Variants in ST7 observed in about 807,000 individuals in gnomAD.
ST7 encodes suppressor of tumorigenicity 7 protein.
ST7 carries 28 observed loss-of-function variants against 78.7 expected under a neutral mutation model. That is an observed-to-expected ratio of 0.36 (90% CI 0.26 to 0.49). The LOEUF (loss-of-function observed/expected upper bound fraction) is 0.49, where lower values mean the gene tolerates loss of function less well. Among genes scored for constraint, ST7 ranks in the 20% least tolerant of loss-of-function variants. ST7 has a pLI of 0.99. For synonymous variants in ST7, 247 were observed against 249.6 expected, an observed-to-expected ratio of 0.99 and a Z score of 0.10; for missense variants, 418 against 696.0, an observed-to-expected ratio of 0.60 and a Z score of 4.49.
chr7:117,073,867 T>C (rs1321518122), intron 1 of ST7: 2 of 152,224 alleles, frequency 1.3e-5, no homozygotes, highest in Non-Finnish European at 2.9e-5. Flanking sequence ...TTTCTTTTCA[T>C]CTCACGTGGA....
chr7:117,032,266 A>G (rs1259410577), intron 1 of ST7, among the ~76,000 whole-genome samples: 8 of 152,150 alleles, frequency 5.3e-5, no homozygotes, highest in Non-Finnish European at 8.8e-5. Context: ...TGCTACTTTT[A>G]TGGCCCTTAG....
At chr7:117,093,043 C>T (rs541497656) in intron 1 of ST7, among the ~76,000 whole-genome samples, 4 of 152,240 alleles carry the variant, frequency 2.6e-5, no homozygotes, top group African/African-American at 9.6e-5. Context: ...TTGATTGTTC[C>T]CACGGTATCT....
intron 13 of ST7, among the ~76,000 whole-genome samples, chr7:117,210,818 G>A (rs1792224322): frequency 1.3e-5 from 2 of 152,182 alleles, no homozygotes; most frequent in Admixed American, 1.3e-4. Flanking sequence ...CAAGTGCATT[G>A]ACATTCTGCT....
chr7:116,956,812 G>T, intron 1 of ST7: 1 of 365,508 alleles, frequency 2.7e-6, no homozygotes. Flanking sequence ...GAATGAGTTT[G>T]TAAAACCCAG....
chr7:117,020,607 C>A (rs1263007858), intron 1 of ST7: 1 of 1,550,644 alleles, frequency 6.4e-7, no homozygotes, highest in East Asian at 2.4e-5. Flanking sequence ...TGGAGCCAGC[C>A]ATGTTTGGCA....
intron 14 of ST7, 116 bp from the exon 15 acceptor site, chr7:117,221,806 AT>A (rs1392518508): frequency 5.0e-6 from 6 of 1,209,776 alleles, no homozygotes; most frequent in Admixed American, 5.7e-5. Flanking sequence ...CTATTTTTTC[AT>A]TTCCCATAGG....
intron 8 of ST7, among the ~76,000 whole-genome samples, chr7:117,137,671 A>G (rs1224445939): frequency 6.6e-6 from 1 of 152,176 alleles, no homozygotes; most frequent in Non-Finnish European, 1.5e-5. Flanking sequence ...TTATACATGT[A>G]CTTAATCTAT....
chr7:117,139,624 T>C (rs1434643046), intron 9 of ST7, among the ~76,000 whole-genome samples: 1 of 152,142 alleles, frequency 6.6e-6, no homozygotes, highest in Admixed American at 6.6e-5. Context: ...GGCCACTCCA[T>C]TAGGCAACAG....
chr7:117,144,633 C>CAAAAA (rs535930435), intron 9 of ST7, among the ~76,000 whole-genome samples: 1 of 103,924 alleles, frequency 9.6e-6, no homozygotes, highest in African/African-American at 3.3e-5. Flanking sequence ...ACCCTGTCTC[C>CAAAAA]AAAAAAAAAA....
At chr7:116,977,285 T>G (rs1005779105) in intron 1 of ST7, among the ~76,000 whole-genome samples, 1 of 152,240 alleles carries the variant, frequency 6.6e-6, no homozygotes, top group African/African-American at 2.4e-5. Context: ...TCCAAACTAC[T>G]CTTTCAAAAG....
intron 9 of ST7, among the ~76,000 whole-genome samples, chr7:117,154,852 G>A (rs960671510): frequency 6.6e-6 from 1 of 152,104 alleles, no homozygotes; most frequent in East Asian, 1.9e-4. Context: ...AGGAACTTGA[G>A]GAATTGGCAA....
chr7:117,030,111 G>A (rs544986003), intron 1 of ST7, among the ~76,000 whole-genome samples: 1 of 152,204 alleles, frequency 6.6e-6, no homozygotes, highest in African/African-American at 2.4e-5. Context: ...AACTTGGGGA[G>A]GTTTGACATT....
At chr7:117,032,560 T>G (rs2116200274) in intron 1 of ST7, among the ~76,000 whole-genome samples, 1 of 152,264 alleles carries the variant, frequency 6.6e-6, no homozygotes, top group East Asian at 1.9e-4. Flanking sequence ...ATGACATTTG[T>G]CACCTTTAAA....
chr7:116,955,093 C>T (rs1477651974), intron 1 of ST7: 1 of 470,976 alleles, frequency 2.1e-6, no homozygotes, highest in African/African-American at 2.0e-5. Flanking sequence ...CCATGGCTTT[C>T]TCGCTTTTCA....
rs1809686422 is a variant in ST7, at chr7:117,190,610, A to G, written c.1152-224A>G. Among the ~76,000 whole-genome samples the G allele has an allele frequency of 6.6e-6, 1 of 152,184 alleles. No individual in the cohort carries two copies. The highest frequency in any genetic ancestry group is 2.4e-5 in the African/African-American group (1 of 41,458). On this transcript the variant is annotated intron_variant, in intron 11 of 15. Transcript: ENST00000323984. This position sits in a 1 kb window ranked among gnomAD's most constrained non-coding sequence, Gnocchi z 5.2. ...ATTTAGACAGAGACTTGACAGCCGA[A>G]TTTAACTCCTGCCATGACTAGATGC...
chr7:117,098,683 C>A, intron 1 of ST7: 1 of 836,644 alleles, frequency 1.2e-6, no homozygotes. Flanking sequence ...GCTTTCTGGG[C>A]TGAGCTCAGG....
At chr7:117,156,607 A>C (rs1806710310) in intron 9 of ST7, among the ~76,000 whole-genome samples, 2 of 152,184 alleles carry the variant, frequency 1.3e-5, no homozygotes, top group Non-Finnish European at 2.9e-5. Context: ...GATAGAGAAG[A>C]GGGAAGATTA....
intron 1 of ST7, among the ~76,000 whole-genome samples, chr7:117,079,566 C>T (rs1371339751): frequency 1.3e-5 from 2 of 152,156 alleles, no homozygotes; most frequent in African/African-American, 4.8e-5. Context: ...TGCTATTATT[C>T]TGTCAACTTA....
At chr7:117,066,825 T>C (rs1285278333) in intron 1 of ST7, among the ~76,000 whole-genome samples, 4 of 151,630 alleles carry the variant, frequency 2.6e-5, no homozygotes, top group Non-Finnish European at 4.4e-5. Flanking sequence ...CACAGAGTTG[T>C]GCAACCATCA....
Sources: allele counts gnomAD v4.1 joint callset (sites outside exome capture counted in the v4.1 genomes callset), GRCh38; gene constraint gnomAD v4.1.1; non-coding constraint Gnocchi (gnomAD v3.1); transcripts MANE v1.5; gene names NCBI Gene and HGNC (gene_info 2026-07-23, HGNC 2026-07-21).